Variants in SGCZ observed in about 807,000 individuals in gnomAD.
The protein encoded by SGCZ is zeta-sarcoglycan.
A neutral mutation model predicts 41.3 loss-of-function variants in SGCZ; 40 were observed. The observed-to-expected ratio is 0.97, with a 90% CI of 0.75 to 1.26. The LOEUF is 1.26. Ranked by LOEUF, SGCZ falls within the 50% of genes most tolerant of loss-of-function variation. The pLI is 0.00. For missense variants in SGCZ, 552 were observed against 369.8 expected, an observed-to-expected ratio of 1.49 and a Z score of -4.04; for synonymous variants, 206 against 137.5, an observed-to-expected ratio of 1.50 and a Z score of -3.49.
intron 2 of SGCZ, among the ~76,000 whole-genome samples, chr8:14,449,828 G>C (rs1376219350): frequency 1.3e-5 from 2 of 152,158 alleles, no homozygotes; most frequent in African/African-American, 4.8e-5. Flanking sequence ...GTAATGGAAG[G>C]TCCAAGAACT....
chr8:15,157,660 T>G (rs1478461240), intron 1 of SGCZ, among the ~76,000 whole-genome samples: 1 of 152,014 alleles, frequency 6.6e-6, no homozygotes, highest in African/African-American at 2.4e-5. Context: ...TGTCTCTTCC[T>G]CCAAAACAAC....
intron 1 of SGCZ, among the ~76,000 whole-genome samples, chr8:15,141,549 G>A (rs1373790350): frequency 1.3e-5 from 2 of 152,178 alleles, no homozygotes; most frequent in Non-Finnish European, 2.9e-5. Context: ...TATGACTTGG[G>A]TCCCTAGATT....
chr8:14,561,988 C>T (rs1804220486), intron 1 of SGCZ, among the ~76,000 whole-genome samples: 1 of 152,030 alleles, frequency 6.6e-6, no homozygotes, highest in Non-Finnish European at 1.5e-5. Flanking sequence ...ATGTAGACAA[C>T]AGAAGGGAAT....
intron 3 of SGCZ, among the ~76,000 whole-genome samples, chr8:14,287,626 C>G (rs1800686286): frequency 6.6e-6 from 1 of 152,010 alleles, no homozygotes; most frequent in African/African-American, 2.4e-5. Context: ...GAGATAAGAA[C>G]TCTTTGACAT....
At chr8:15,021,649 A>G (rs1363682298) in intron 1 of SGCZ, among the ~76,000 whole-genome samples, 1 of 152,320 alleles carries the variant, frequency 6.6e-6, no homozygotes, top group East Asian at 1.9e-4. Context: ...GTGGGATGTG[A>G]CGTGTTAATC....
chr8:14,613,038 C>T (rs747149017), intron 1 of SGCZ, among the ~76,000 whole-genome samples: 11 of 152,090 alleles, frequency 7.2e-5, no homozygotes, highest in African/African-American at 1.9e-4. Context: ...GGGGAAAGAA[C>T]TTAATCATAG....
At chr8:14,809,317 A>G (rs1585280132) in intron 1 of SGCZ, among the ~76,000 whole-genome samples, 1 of 152,304 alleles carries the variant, frequency 6.6e-6, no homozygotes, top group Non-Finnish European at 1.5e-5. Flanking sequence ...TTCATCATGA[A>G]TATAAGATAT....
intron 1 of SGCZ, among the ~76,000 whole-genome samples, chr8:15,066,315 C>CAAAAAAAAA (rs34127345): frequency 4.7e-5 from 5 of 106,910 alleles, no homozygotes; most frequent in African/African-American, 1.8e-4. Context: ...ACTCCGTCTC[C>CAAAAAAAAA]AAAAAAAAAA....
chr8:14,665,499 G>C (rs1463351165), intron 1 of SGCZ, among the ~76,000 whole-genome samples: 1 of 152,142 alleles, frequency 6.6e-6, no homozygotes, highest in Non-Finnish European at 1.5e-5. Context: ...ATAGCAGCAT[G>C]TTTTATAATC....
At chr8:14,624,785 G>A (rs1020596781) in intron 1 of SGCZ, among the ~76,000 whole-genome samples, 2 of 151,478 alleles carry the variant, frequency 1.3e-5, no homozygotes, top group South Asian at 4.2e-4. Context: ...TGGCCAGGCT[G>A]CTCTTGAACT....
intron 1 of SGCZ, among the ~76,000 whole-genome samples, chr8:14,793,053 T>C (rs533243370): frequency 4.0e-4 from 61 of 152,222 alleles, no homozygotes; most frequent in Non-Finnish European, 4.4e-4. Context: ...AAATACAATA[T>C]GTGATCTATC....
intron 1 of SGCZ, among the ~76,000 whole-genome samples, chr8:14,868,972 A>G (rs1300824980): frequency 6.6e-6 from 1 of 152,158 alleles, no homozygotes; most frequent in African/African-American, 2.4e-5. Flanking sequence ...AAAAAAGCCC[A>G]GGACCAGACA....
chr8:14,867,108 T>C (rs1160015655), intron 1 of SGCZ, among the ~76,000 whole-genome samples: 1 of 152,174 alleles, frequency 6.6e-6, no homozygotes, highest in Non-Finnish European at 1.5e-5. Flanking sequence ...ATGCAATTTG[T>C]TTTTCTGTCT....
At chr8:14,645,811 G>A (rs1232633049) in intron 1 of SGCZ, among the ~76,000 whole-genome samples, 1 of 151,584 alleles carries the variant, frequency 6.6e-6, no homozygotes, top group Non-Finnish European at 1.5e-5. Context: ...GTAAGCAAAT[G>A]CAGACATTCA....
chr8:14,361,930 A>C (rs1346824447), intron 2 of SGCZ, among the ~76,000 whole-genome samples: 4 of 152,170 alleles, frequency 2.6e-5, no homozygotes, highest in Non-Finnish European at 5.9e-5. Flanking sequence ...TCCTTCTAAC[A>C]GACAGGCCCC....
chr8:14,723,758 A>G (rs1382923093), intron 1 of SGCZ, among the ~76,000 whole-genome samples: 1 of 152,044 alleles, frequency 6.6e-6, no homozygotes, highest in Non-Finnish European at 1.5e-5. Flanking sequence ...ATGTTTATAT[A>G]CATTTATATG....
intron 2 of SGCZ, among the ~76,000 whole-genome samples, chr8:14,396,484 T>C (rs1471092203): frequency 6.6e-6 from 1 of 152,032 alleles, no homozygotes; most frequent in Admixed American, 6.6e-5. Context: ...TTCAGCTCAT[T>C]CCCTATGCCT....
At chr8:14,462,668 T>C (rs548615156) in intron 2 of SGCZ, among the ~76,000 whole-genome samples, 12 of 151,898 alleles carry the variant, frequency 7.9e-5, no homozygotes, top group African/African-American at 2.9e-4. Context: ...TTCCACTTTG[T>C]TCTTCTTTTT....
chr8:14,762,467 A>C (rs532913342), intron 1 of SGCZ, among the ~76,000 whole-genome samples: 40 of 152,298 alleles, frequency 2.6e-4, no homozygotes, highest in Middle Eastern at 3.4e-3. Context: ...CTGTGAGGTA[A>C]AGGGGTTAAT....
Sources: gnomAD v4.1 joint callset for allele counts (sites outside exome capture counted in the v4.1 genomes callset) on GRCh38, gnomAD v4.1.1 for gene constraint, MANE v1.5 for transcripts, NCBI Gene and HGNC (gene_info 2026-07-23, HGNC 2026-07-21) for gene names.